GLI2: variants seen among roughly 807,000 people sequenced by gnomAD.
The protein encoded by GLI2 is transcription activator GLI2.
A neutral mutation model predicts 78.9 loss-of-function variants in GLI2; 22 were observed. The observed-to-expected ratio is 0.28, with a 90% CI of 0.20 to 0.40. The LOEUF is 0.40. GLI2 is among the 10% of genes least tolerant of loss of function. The probability of loss-of-function intolerance (pLI) is 1.00; values close to 1 mark genes in which losing one functional copy is unlikely to be tolerated. For missense variants in GLI2, 2,097 were observed against 2,213.2 expected, an observed-to-expected ratio of 0.95 and a Z score of 1.05; for synonymous variants, 974 against 963.7, an observed-to-expected ratio of 1.01 and a Z score of -0.20.
At position 120,804,490 on chromosome 2, in the gene GLI2, C is replaced by G. The variant is rs1214002166; in HGVS notation, c.148+7022C>G. ...AGGCTGGCCGTGGTCTTTGGCCCCC[C>G]TGCCAGGCCCCATGGCCAGCAGGGA... On this transcript the variant is annotated intron_variant, in intron 2 of 13. Coordinates refer to ENST00000361492, the MANE Select transcript of GLI2 (RefSeq NM_001374353.1). Among the ~76,000 whole-genome samples the G allele has an allele frequency of 2.0e-5, 3 of 152,378 alleles. No individual in the cohort carries two copies. In the East Asian group the frequency reaches 5.8e-4, roughly 29 times the overall value.
chr2:120,803,778 G>A (rs951436918), intron 2 of GLI2, among the ~76,000 whole-genome samples: 2 of 152,222 alleles, frequency 1.3e-5, no homozygotes, highest in African/African-American at 2.4e-5. Context: ...GCAGGGTCCA[G>A]GGCAGCCCCT....
At position 120,989,092 on chromosome 2, in the gene GLI2, C is replaced by T. The variant is rs199970938; in HGVS notation, c.3127C>T (p.Leu1043=). The change falls in exon 14 of 14, where the codon CTG becomes TTG. Residue 1043 remains leucine, a synonymous_variant. Coordinates refer to ENST00000361492, the MANE Select transcript of GLI2 (RefSeq NM_001374353.1). ...CGACCTGGGGCTGCCGGAGGACGAC[C>T]TGGTGCTTCCAGACGACGTGGTGCA... ...EADLGLPEDD[L]VLPDDVVQYI... is the part of the protein sequence containing the mutation. The T allele has an allele frequency of 5.6e-6, 9 of 1,612,426 alleles. No homozygotes were observed. The East Asian group carries it at 1.1e-4, about 20-fold the overall frequency.
chr2:120,858,225 G>A (rs756583862), intron 2 of GLI2, among the ~76,000 whole-genome samples: 4 of 152,210 alleles, frequency 2.6e-5, no homozygotes, highest in Non-Finnish European at 4.4e-5. Context: ...CTTTCAACAA[G>A]TCACTTAAGC....
At chr2:120,929,761 G>A (rs561749663) in intron 3 of GLI2, among the ~76,000 whole-genome samples, 4 of 152,158 alleles carry the variant, frequency 2.6e-5, no homozygotes, top group East Asian at 1.9e-4. Flanking sequence ...ATCCGCTGCC[G>A]CAGCCTTATG....
At chr2:120,838,479 CTTTAG>C (rs938426135) in intron 2 of GLI2, among the ~76,000 whole-genome samples, 8 of 152,052 alleles carry the variant, frequency 5.3e-5, no homozygotes, top group African/African-American at 1.9e-4. Context: ...ATTTTTCTCT[CTTTAG>C]TTATTTTCTT....
chr2:120,940,921 C>T (rs1476637702), intron 3 of GLI2, among the ~76,000 whole-genome samples: 1 of 152,232 alleles, frequency 6.6e-6, no homozygotes, highest in East Asian at 1.9e-4. Flanking sequence ...GTCTCAGAAC[C>T]CCAGCTCCCC....
At chr2:120,966,155 T>C (rs1057381533) in intron 5 of GLI2, among the ~76,000 whole-genome samples, 1 of 152,168 alleles carries the variant, frequency 6.6e-6, no homozygotes, top group Admixed American at 6.5e-5. Context: ...AAATAAAGTA[T>C]ACCAAGTACT....
At chr2:120,798,890 T>G (rs570609335) in intron 2 of GLI2, among the ~76,000 whole-genome samples, 1 of 152,314 alleles carries the variant, frequency 6.6e-6, no homozygotes, top group South Asian at 2.1e-4. Context: ...CTCTGAGGCC[T>G]TGTGAGCTCC....
At chr2:120,948,597 C>T (rs569826680) in intron 3 of GLI2, among the ~76,000 whole-genome samples, 7 of 152,180 alleles carry the variant, frequency 4.6e-5, no homozygotes, top group Non-Finnish European at 7.4e-5. Context: ...CACCTCACTC[C>T]GGGCCTCTCA....
At position 120,989,977 on chromosome 2, in the gene GLI2, C is replaced by G; in HGVS notation, c.4012C>G (p.Gln1338Glu). ...PARQPGFMEP[Q>E]TGPMGVATAG... Reference sequence around the variant, plus strand: ...CCGCCAGCCTGGCTTCATGGAGCCCCAAACAGGCCCGATGGGGGTGGCTAC... The same window carrying G: ...CCGCCAGCCTGGCTTCATGGAGCCCGAAACAGGCCCGATGGGGGTGGCTAC... The change falls in exon 14 of 14, where the codon CAA (glutamine) becomes GAA (glutamate). Residue 1338 changes from glutamine (Q) to glutamate (E), a missense_variant. Gln to Glu is a conservative substitution (Grantham distance 29, BLOSUM62 2). Coordinates refer to ENST00000361492, the MANE Select transcript of GLI2 (RefSeq NM_001374353.1). 6.2e-7 allele frequency: 1 copy of G among 1,610,750 alleles called. No homozygotes were observed.
intron 5 of GLI2, among the ~76,000 whole-genome samples, chr2:120,961,805 C>A (rs1681576065): frequency 6.6e-6 from 1 of 152,224 alleles, no homozygotes; most frequent in South Asian, 2.1e-4. Flanking sequence ...CGAGCCCCAC[C>A]ACCAGGCTGC....
chr2:120,896,221 C>T (rs972870158), intron 2 of GLI2, among the ~76,000 whole-genome samples: 4 of 152,128 alleles, frequency 2.6e-5, no homozygotes, highest in African/African-American at 9.7e-5. Flanking sequence ...CTTCTTTCCC[C>T]CACCCTCTCT....
At position 120,951,357 on chromosome 2, in the gene GLI2, C is replaced by A; in HGVS notation, c.369C>A (p.Asn123Lys). 1 of 1,602,728 alleles carries A rather than the reference C, an allele frequency of 6.2e-7. No homozygotes were observed. Among genetic ancestry groups the A allele is most frequent in the Non-Finnish European group, 8.5e-7 (1 of 1,169,650 alleles). ...TCAACGCCCCCCACCCGTACGTGAA[C>A]CCCCACATGGAGCACTACCTCCGTT... ...SPFNAPHPYV[N>K]PHMEHYLRSV... Residue 123 changes from asparagine (N) to lysine (K), a missense_variant, in exon 4 of 14, where the codon AAC becomes AAA. Physicochemically the swap from Asn to Lys is moderately conservative, Grantham distance 94. This residue lies in a region of GLI2 where 578 missense variants were observed against 612.0 expected (regional missense o/e 0.94). Coordinates refer to ENST00000361492, the MANE Select transcript of GLI2 (RefSeq NM_001374353.1).
At chr2:120,738,773 C>T (rs755457806) in intron 1 of GLI2, among the ~76,000 whole-genome samples, 13 of 152,204 alleles carry the variant, frequency 8.5e-5, no homozygotes, top group Non-Finnish European at 1.8e-4. Flanking sequence ...CTGTGGGAAT[C>T]GATTTGACTG....
At chr2:120,961,147 T>C (rs1558917078) in intron 5 of GLI2, among the ~76,000 whole-genome samples, 1 of 152,124 alleles carries the variant, frequency 6.6e-6, no homozygotes, top group African/African-American at 2.4e-5. Context: ...GACTGAAATG[T>C]TGTCTGTTTA....
At chr2:120,817,795 C>A (rs72971933) in intron 2 of GLI2, among the ~76,000 whole-genome samples, 1 of 152,088 alleles carries the variant, frequency 6.6e-6, no homozygotes, top group Non-Finnish European at 1.5e-5. Flanking sequence ...CACCTGGCCC[C>A]GCTCCAGACT....
intron 1 of GLI2, among the ~76,000 whole-genome samples, chr2:120,763,832 G>A (rs1683291111): frequency 3.3e-5 from 5 of 152,268 alleles, no homozygotes; most frequent in Admixed American, 3.3e-4. Context: ...TGAAAGGCAA[G>A]TCAGGACCAA....
intron 4 of GLI2, among the ~76,000 whole-genome samples, chr2:120,954,599 A>G (rs1194457318): frequency 1.3e-5 from 2 of 152,134 alleles, no homozygotes; most frequent in Non-Finnish European, 2.9e-5. Context: ...TGGGGGTGCT[A>G]GGTTTCCAAG....
intron 2 of GLI2, among the ~76,000 whole-genome samples, chr2:120,804,835 G>A (rs1684867893): frequency 6.6e-6 from 1 of 152,200 alleles, no homozygotes; most frequent in Non-Finnish European, 1.5e-5. Context: ...GCCTGGGGCG[G>A]GAGCATGAGG....
Sources: allele counts gnomAD v4.1 joint callset (sites outside exome capture counted in the v4.1 genomes callset), GRCh38; gene constraint gnomAD v4.1.1; regional missense constraint gnomAD v4.1.1; transcripts MANE v1.5; gene names NCBI Gene and HGNC (gene_info 2026-07-23, HGNC 2026-07-21).